The following NR1H4 variants were observed in gnomAD, a reference collection of about 807,000 sequenced individuals.
The protein encoded by NR1H4 is bile acid receptor.
NR1H4 carries 23 observed loss-of-function variants against 58.5 expected under a neutral mutation model. The ratio of observed to expected loss-of-function variants is 0.39; its 90% CI spans 0.28 to 0.56. The LOEUF is 0.56. Ranked by LOEUF, NR1H4 falls within the 20% of genes least tolerant of loss-of-function variation. The probability of loss-of-function intolerance (pLI) is 0.58; values close to 1 mark genes in which losing one functional copy is unlikely to be tolerated. For synonymous variants in NR1H4, 214 were observed against 198.0 expected (o/e 1.08, Z -0.68); for missense variants, 487 against 576.9 (o/e 0.84, Z 1.60).
intron 3 of NR1H4, among the ~76,000 whole-genome samples, chr12:100,498,811 G>A (rs1359821721): frequency 2.6e-5 from 4 of 152,174 alleles, no homozygotes; most frequent in African/African-American, 9.7e-5. Context: ...CCTAGCAAGT[G>A]TCAGGAGGTA....
At chr12:100,531,917 G>T (rs1954703198) in intron 4 of NR1H4, among the ~76,000 whole-genome samples, 1 of 152,156 alleles carries the variant, frequency 6.6e-6, no homozygotes, top group South Asian at 2.1e-4. Context: ...TGAATGCCTG[G>T]TTAACAGCAA....
At chr12:100,488,147 T>C (rs1436728353) in intron 1 of NR1H4, among the ~76,000 whole-genome samples, 1 of 151,986 alleles carries the variant, frequency 6.6e-6, no homozygotes, top group Non-Finnish European at 1.5e-5. Flanking sequence ...ATTACAAGCC[T>C]GTGCCACCAT....
rs753003510 is a variant in NR1H4 at position 100,534,894 on chromosome 12, G to C, written c.603G>C (p.Leu201Phe). ...CTCTATGCTTATTTGTTTTAGGCTT[G>C]TTAACTGAAATTCAGTGTAAATCTA... The part of the protein sequence containing the change: ...GMLAECMYTG[L>F]LTEIQCKSKR... The change falls in exon 6 of 11, where the codon TTG becomes TTC. Residue 201 changes from leucine (L) to phenylalanine (F), a missense_variant. Leu to Phe is a conservative substitution (Grantham distance 22). Transcript: ENST00000392986. The C allele has an allele frequency of 3.7e-6, 6 of 1,614,022 alleles. No individual in the cohort carries two copies. In the Admixed American group the frequency reaches 1.0e-4, roughly 27 times the overall value.
At chr12:100,474,345 G>A (rs1429140517) in intron 1 of NR1H4, among the ~76,000 whole-genome samples, 1 of 152,212 alleles carries the variant, frequency 6.6e-6, no homozygotes, top group Non-Finnish European at 1.5e-5. Flanking sequence ...TGGAGATAGT[G>A]CATTTCAGAA....
At chr12:100,551,046 C>G (rs1955192402) in intron 9 of NR1H4, among the ~76,000 whole-genome samples, 1 of 152,182 alleles carries the variant, frequency 6.6e-6, no homozygotes, top group African/African-American at 2.4e-5. Context: ...GGTATTCTAA[C>G]TCAGAGCCCA....
chr12:100,536,156 A>G, intron 6 of NR1H4, among the ~76,000 whole-genome samples: 1 of 151,858 alleles, frequency 6.6e-6, no homozygotes, highest in South Asian at 2.1e-4. Context: ...TAGTAGTCAT[A>G]CTATATGAAA....
chr12:100,492,890 A>G (rs958765924), intron 2 of NR1H4, among the ~76,000 whole-genome samples: 5 of 152,202 alleles, frequency 3.3e-5, no homozygotes, highest in Non-Finnish European at 7.3e-5. Context: ...AATAAAGTTT[A>G]AGATAATAAA....
intron 1 of NR1H4, among the ~76,000 whole-genome samples, chr12:100,487,012 A>G (rs1953505768): frequency 6.6e-6 from 1 of 152,242 alleles, no homozygotes; most frequent in Non-Finnish European, 1.5e-5. Flanking sequence ...GGAACACTTC[A>G]GTAGAAAAAT....
intron 4 of NR1H4, among the ~76,000 whole-genome samples, chr12:100,530,344 A>C (rs1230080873): frequency 1.3e-5 from 2 of 152,228 alleles, no homozygotes; most frequent in African/African-American, 4.8e-5. Flanking sequence ...GGGACAAATA[A>C]TACTATCTTC....
chr12:100,532,518 G>A lies in NR1H4; in HGVS notation c.506G>A (p.Cys169Tyr). 1 of 1,614,106 alleles carries A rather than the reference G, an allele frequency of 6.2e-7. No individual in the cohort carries two copies. The highest frequency in any genetic ancestry group is 8.5e-7 in the Non-Finnish European group (1 of 1,179,936). Reference protein sequence around the residue: ...AVYKCKNGGNCVMDMYMRRKC... With the variant: ...AVYKCKNGGNYVMDMYMRRKC... ...TACAAGTGTAAAAACGGGGGCAACT[G>A]TGTGATGGATATGTACATGCGAAGA... Residue 169 changes from cysteine (C) to tyrosine (Y), a missense_variant, in exon 5 of 11, where the codon TGT becomes TAT. Transcript: ENST00000392986.
intron 9 of NR1H4, among the ~76,000 whole-genome samples, chr12:100,558,616 C>T (rs1955390405): frequency 6.6e-6 from 1 of 152,180 alleles, no homozygotes; most frequent in Admixed American, 6.5e-5. Flanking sequence ...GCCTTGGCCT[C>T]CTTAAGTGTT....
chr12:100,563,473 T>A lies in NR1H4; in HGVS notation c.1415T>A (p.Ile472Asn). ...DHKFTPLLCE[I>N]WDVQ is the part of the protein sequence containing the mutation. The stretch of plus-strand genomic sequence containing the variant: ...AAGTTTACCCCACTTCTCTGTGAAA[T>A]CTGGGACGTGCAGTGATGGGGATTA... The change falls in exon 11 of 11, where the codon ATC becomes AAC. Residue 472 changes from isoleucine to asparagine, a missense_variant. Transcript: ENST00000392986. 1 of 1,613,920 alleles carries A rather than the reference T, an allele frequency of 6.2e-7. No individual in the cohort carries two copies. Among genetic ancestry groups the A allele is most frequent in the Non-Finnish European group, 8.5e-7 (1 of 1,179,784 alleles).
intron 9 of NR1H4, among the ~76,000 whole-genome samples, chr12:100,546,842 G>A (rs554513140): frequency 6.6e-6 from 1 of 152,176 alleles, no homozygotes; most frequent in Admixed American, 6.5e-5. Context: ...TCATCAATAT[G>A]ATCATTTCCT....
At chr12:100,503,349 T>C (rs968945783) in intron 3 of NR1H4, 1 of 1,583,742 alleles carries the variant, frequency 6.3e-7, no homozygotes. Context: ...TCTCACTCCT[T>C]ACCTAGTCTC....
intron 3 of NR1H4, among the ~76,000 whole-genome samples, chr12:100,506,115 T>C (rs1326387505): frequency 6.6e-6 from 1 of 152,140 alleles, no homozygotes; most frequent in Non-Finnish European, 1.5e-5. Flanking sequence ...CTAATACTTA[T>C]ATCATCAAGA....
At chr12:100,490,443 C>T (rs1384935620) in intron 1 of NR1H4, among the ~76,000 whole-genome samples, 1 of 152,010 alleles carries the variant, frequency 6.6e-6, no homozygotes, top group Non-Finnish European at 1.5e-5. Context: ...AGGAAATGGG[C>T]CTTAAGTTAC....
intron 9 of NR1H4, among the ~76,000 whole-genome samples, chr12:100,550,656 G>A (rs547708945): frequency 2.0e-5 from 3 of 151,142 alleles, no homozygotes; most frequent in South Asian, 2.1e-4. Context: ...GTGAGCCACC[G>A]CGCCTGGCCC....
chr12:100,510,263 T>G (rs1489453993), intron 3 of NR1H4, among the ~76,000 whole-genome samples: 1 of 152,160 alleles, frequency 6.6e-6, no homozygotes, highest in African/African-American at 2.4e-5. Flanking sequence ...AAAAGGACAT[T>G]GAAGTTTAAA....
At chr12:100,541,187 A>AT in intron 9 of NR1H4, among the ~76,000 whole-genome samples, 1 of 152,346 alleles carries the variant, frequency 6.6e-6, no homozygotes, top group Admixed American at 6.5e-5. Flanking sequence ...GTATCCAGCT[A>AT]TTATATATCT....
Sources: allele counts gnomAD v4.1 joint callset (sites outside exome capture counted in the v4.1 genomes callset), GRCh38; gene constraint gnomAD v4.1.1; transcripts MANE v1.5; gene names NCBI Gene and HGNC (gene_info 2026-07-23, HGNC 2026-07-21).